RPS6KA5: variants seen among roughly 807,000 people sequenced by gnomAD.
RPS6KA5 encodes ribosomal protein S6 kinase A5, also known as ribosomal protein S6 kinase alpha-5.
RPS6KA5 carries 27 observed loss-of-function variants against 85.5 expected under a neutral mutation model. The observed-to-expected ratio is 0.32, with a 90% CI of 0.23 to 0.44. The LOEUF (loss-of-function observed/expected upper bound fraction) is 0.44, where lower values mean the gene tolerates loss of function less well. Among genes scored for constraint, RPS6KA5 ranks in the 20% least tolerant of loss-of-function variants. The pLI, the probability that RPS6KA5 is intolerant of heterozygous loss-of-function variation, is 1.00. For synonymous variants in RPS6KA5, 334 were observed against 348.2 expected, an observed-to-expected ratio of 0.96 and a Z score of 0.46; for missense variants, 811 against 980.9, an observed-to-expected ratio of 0.83 and a Z score of 2.31.
At position 90,898,150 on chromosome 14, in the gene RPS6KA5, T is replaced by C. The variant is rs2034944698; in HGVS notation, c.1473+1179A>G. Reference sequence around the variant, plus strand: ...AATAAAAGCTTGTTGGGCTCTGAAGTTGGACTGTGTGGATTCAGATCCCAG... The same window carrying C: ...AATAAAAGCTTGTTGGGCTCTGAAGCTGGACTGTGTGGATTCAGATCCCAG... On this transcript the variant is annotated intron_variant, in intron 12 of 16. Transcript: ENST00000614987. Among the ~76,000 whole-genome samples, 3 of 152,204 alleles carry C rather than the reference T, an allele frequency of 2.0e-5. No individual in the cohort carries two copies. In the South Asian group the frequency reaches 6.2e-4, roughly 32 times the overall value.
intron 3 of RPS6KA5, among the ~76,000 whole-genome samples, chr14:90,966,402 A>G (rs1050702900): frequency 2.0e-5 from 3 of 152,222 alleles, no homozygotes; most frequent in Admixed American, 2.0e-4. Flanking sequence ...GCACACAGTT[A>G]CTCATAGAAT....
intron 3 of RPS6KA5, among the ~76,000 whole-genome samples, chr14:90,957,336 A>G (rs1339058921): frequency 1.3e-5 from 2 of 152,150 alleles, no homozygotes; most frequent in African/African-American, 4.8e-5. Flanking sequence ...AAGTGCTGGG[A>G]TTACCGTCAT....
Position 90,902,914 on chromosome 14 carries a change from A to C in RPS6KA5, c.1013T>G (p.Val338Gly), listed in dbSNP as rs746809054. Reference sequence around the variant, plus strand: ...ACTCACATCTAATTCATCTCGAATGACTGGCTTAAATGGTGCAGGCACTTT... The same window carrying C: ...ACTCACATCTAATTCATCTCGAATGCCTGGCTTAAATGGTGCAGGCACTTT... ...AKKVPAPFKP[V>G]IRDELDVSNF... Residue 338 changes from valine to glycine, a missense_variant, in exon 9 of 17, where the codon GTC becomes GGC. This residue lies in a region of RPS6KA5 where 650 missense variants were observed against 793.4 expected (regional missense o/e 0.82). Transcript: ENST00000614987. 3.1e-6 allele frequency: 5 copies of C among 1,614,072 alleles called. No homozygotes were observed. Among genetic ancestry groups the C allele is most frequent in the Non-Finnish European group, 8.5e-7 (1 of 1,179,986 alleles).
intron 2 of RPS6KA5, among the ~76,000 whole-genome samples, chr14:90,983,276 CAAAAAAA>C (rs562999325): frequency 1.5e-5 from 1 of 66,616 alleles, no homozygotes; most frequent in East Asian, 4.2e-4. Context: ...GACTCCATCT[CAAAAAAA>C]AAAAAAAAAG....
chr14:90,978,188 G>C, intron 3 of RPS6KA5, 118 bp downstream of exon 3: 1 of 699,732 alleles, frequency 1.4e-6, no homozygotes, highest in Non-Finnish European at 2.2e-6. Flanking sequence ...CACAAAGAAT[G>C]AGAATCAAAA....
rs568886544 is a variant in RPS6KA5, at chr14:91,054,211, A to C, written c.103+6121T>G. On this transcript the variant is annotated intron_variant, in intron 1 of 16. Transcript: ENST00000614987. ...TTACCTTAAAATGGATCAATGATCT[A>C]AATGTAACAGCTAAAGCCATAAACT... Among the ~76,000 whole-genome samples, 12 of 152,352 alleles carry C rather than the reference A, an allele frequency of 7.9e-5. No homozygotes were observed. In the East Asian group the frequency reaches 2.3e-3, roughly 29 times the overall value.
intron 13 of RPS6KA5, among the ~76,000 whole-genome samples, chr14:90,892,295 C>T (rs2034607409): frequency 2.6e-5 from 4 of 152,184 alleles, no homozygotes. Context: ...AGCCACTGCG[C>T]TCGGCCAGTT....
At chr14:90,981,003 C>G (rs2039767281) in intron 2 of RPS6KA5, among the ~76,000 whole-genome samples, 1 of 152,164 alleles carries the variant, frequency 6.6e-6, no homozygotes, top group Non-Finnish European at 1.5e-5. Flanking sequence ...GAAACCCTGT[C>G]TCTACTGAAA....
intron 14 of RPS6KA5, among the ~76,000 whole-genome samples, chr14:90,881,326 G>A (rs1322815556): frequency 6.6e-6 from 1 of 151,150 alleles, no homozygotes; most frequent in Non-Finnish European, 1.5e-5. Context: ...TGGTATATGC[G>A]CCTGTAATCC....
At chr14:91,057,579 A>G (rs2043375891) in intron 1 of RPS6KA5, among the ~76,000 whole-genome samples, 1 of 152,218 alleles carries the variant, frequency 6.6e-6, no homozygotes, top group Non-Finnish European at 1.5e-5. Flanking sequence ...AGCAGCCGCA[A>G]AGATTATGGC....
At chr14:91,012,999 T>C (rs1731235041) in intron 1 of RPS6KA5, among the ~76,000 whole-genome samples, 1 of 152,180 alleles carries the variant, frequency 6.6e-6, no homozygotes, top group South Asian at 2.1e-4. Context: ...TCCCCTTGTT[T>C]GCTCTACTTC....
intron 5 of RPS6KA5, among the ~76,000 whole-genome samples, chr14:90,925,045 A>G (rs2036585094): frequency 6.6e-6 from 1 of 152,194 alleles, no homozygotes; most frequent in Non-Finnish European, 1.5e-5. Flanking sequence ...GAAATGTTTG[A>G]CTGATTTTTA....
chr14:90,980,923 G>A (rs11621769), intron 2 of RPS6KA5, among the ~76,000 whole-genome samples: 3,294 of 152,324 alleles, frequency 0.022, 45 homozygotes, highest in Non-Finnish European at 0.031. Flanking sequence ...TGTAATCCCA[G>A]CACTTTGGGA....
At chr14:90,899,260 C>T (rs1197254044) in intron 12 of RPS6KA5, 69 bp downstream of exon 12, 16 of 1,087,072 alleles carry the variant, frequency 1.5e-5, no homozygotes, top group South Asian at 1.4e-4. Context: ...ACCAACAAAA[C>T]GCGTGAAAAG....
chr14:90,967,399 AAAT>A (rs777588437), intron 3 of RPS6KA5, among the ~76,000 whole-genome samples: 2 of 152,060 alleles, frequency 1.3e-5, no homozygotes, highest in Non-Finnish European at 2.9e-5. Flanking sequence ...GGCATTTGTT[AAAT>A]AATAACTAAT....
At chr14:90,994,114 A>T (rs144027282) in intron 2 of RPS6KA5, among the ~76,000 whole-genome samples, 2 of 152,206 alleles carry the variant, frequency 1.3e-5, no homozygotes, top group Admixed American at 1.3e-4. Context: ...ACAGATGGGG[A>T]TTCTCCCACC....
intron 8 of RPS6KA5, among the ~76,000 whole-genome samples, chr14:90,904,034 C>T (rs1242389242): frequency 6.6e-6 from 1 of 151,646 alleles, no homozygotes; most frequent in Non-Finnish European, 1.5e-5. Flanking sequence ...ACTACAAGCT[C>T]CACCTCCTGA....
chr14:90,920,631 G>C (rs550535331), intron 6 of RPS6KA5, among the ~76,000 whole-genome samples: 3 of 151,386 alleles, frequency 2.0e-5, no homozygotes, highest in South Asian at 2.1e-4. Flanking sequence ...GGGAACTAAA[G>C]TATTCAGCTC....
intron 1 of RPS6KA5, among the ~76,000 whole-genome samples, chr14:91,056,458 G>A (rs2139973308): frequency 1.3e-5 from 2 of 152,296 alleles, no homozygotes; most frequent in Admixed American, 1.3e-4. Context: ...GAAGCTGTAG[G>A]ATGTAAAACT....
Sources: allele counts gnomAD v4.1 joint callset (sites outside exome capture counted in the v4.1 genomes callset), GRCh38; gene constraint gnomAD v4.1.1; regional missense constraint gnomAD v4.1.1; transcripts MANE v1.5; gene names NCBI Gene and HGNC (gene_info 2026-07-23, HGNC 2026-07-21).